Variants in RNF214 observed in about 807,000 individuals in gnomAD.
RNF214 encodes ring finger protein 214.
Under a neutral mutation model 75.9 loss-of-function variants are expected in RNF214, and 25 were observed. That is an observed-to-expected ratio of 0.33 (90% CI 0.24 to 0.46). The LOEUF (loss-of-function observed/expected upper bound fraction) is 0.46, where lower values mean the gene tolerates loss of function less well. Ranked by LOEUF, RNF214 falls within the 20% of genes least tolerant of loss-of-function variation. RNF214 has a pLI of 1.00. For synonymous variants in RNF214, 314 were observed against 308.8 expected, an observed-to-expected ratio of 1.02 and a Z score of -0.18; for missense variants, 725 against 857.5, an observed-to-expected ratio of 0.85 and a Z score of 1.93.
At chr11:117,283,694 T>C (rs1200292771) in intron 14 of RNF214, among the ~76,000 whole-genome samples, 1 of 151,968 alleles carries the variant, frequency 6.6e-6, no homozygotes, top group African/African-American at 2.4e-5. Flanking sequence ...AGGGTTTCTT[T>C]CTGTTGCCCA....
chr11:117,257,317 C>T (rs2033549320), intron 6 of RNF214, among the ~76,000 whole-genome samples: 1 of 152,006 alleles, frequency 6.6e-6, no homozygotes, highest in Non-Finnish European at 1.5e-5. Flanking sequence ...GCCTGGGCAA[C>T]AGAGTGAGAT....
intron 4 of RNF214, among the ~76,000 whole-genome samples, chr11:117,240,190 A>G (rs1000344447): frequency 2.0e-5 from 3 of 151,202 alleles, no homozygotes; most frequent in African/African-American, 7.3e-5. Flanking sequence ...CCATGTCTAC[A>G]AAAAATACAA....
chr11:117,268,772 T>G lies in RNF214; in HGVS notation c.960-11136T>G, dbSNP rs191525985. On this transcript the variant is annotated intron_variant, in intron 6 of 14. Transcript: ENST00000300650. ...TTTGTATAGAATCTGTAGATCAGTT[T>G]GGGAACAATTGACATCTTAACAATA... is the stretch of plus-strand genomic sequence containing the variant. Among the ~76,000 whole-genome samples the G allele has an allele frequency of 7.9e-5, 12 of 152,340 alleles. No homozygotes were observed. In the East Asian group the frequency reaches 2.3e-3, roughly 29 times the overall value.
At chr11:117,271,884 C>G (rs2033918491) in intron 6 of RNF214, among the ~76,000 whole-genome samples, 1 of 152,126 alleles carries the variant, frequency 6.6e-6, no homozygotes, top group South Asian at 2.1e-4. Flanking sequence ...GTGATGATAG[C>G]TCACTGTAGC....
chr11:117,279,582 C>G (rs1293626480), intron 6 of RNF214, among the ~76,000 whole-genome samples: 4 of 152,050 alleles, frequency 2.6e-5, no homozygotes, highest in Non-Finnish European at 5.9e-5. Flanking sequence ...AGTGATCTGC[C>G]CATCTTGGAC....
chr11:117,244,213 G>C (rs1317804229), intron 4 of RNF214, among the ~76,000 whole-genome samples: 2 of 151,838 alleles, frequency 1.3e-5, no homozygotes, highest in Admixed American at 1.3e-4. Context: ...ATCCCTGAAT[G>C]CAAGTGATCC....
chr11:117,263,276 GA>G (rs34638904), intron 6 of RNF214, among the ~76,000 whole-genome samples: 47,299 of 149,416 alleles, frequency 0.32, 8,043 homozygotes, highest in East Asian at 0.66. Flanking sequence ...ATTAACAGGA[GA>G]AAAAAAAACT....
At chr11:117,238,013 TCTAA>T (rs2032959496) in intron 2 of RNF214, among the ~76,000 whole-genome samples, 1 of 152,246 alleles carries the variant, frequency 6.6e-6, no homozygotes, top group African/African-American at 2.4e-5. Context: ...AATTAAATAT[TCTAA>T]CTAGTATTAG....
intron 6 of RNF214, among the ~76,000 whole-genome samples, chr11:117,249,686 G>T (rs1555053558): frequency 6.6e-6 from 1 of 152,208 alleles, no homozygotes; most frequent in Non-Finnish European, 1.5e-5. Flanking sequence ...ATGCTGGCAG[G>T]TTTGGTTTCT....
chr11:117,262,942 G>A (rs140186588), intron 6 of RNF214, among the ~76,000 whole-genome samples: 20 of 152,140 alleles, frequency 1.3e-4, no homozygotes, highest in Middle Eastern at 3.4e-3. Flanking sequence ...GAGAAGCTGT[G>A]ACTACAGCTG....
chr11:117,236,087 A>G (rs2032902065), intron 2 of RNF214, among the ~76,000 whole-genome samples: 1 of 151,104 alleles, frequency 6.6e-6, no homozygotes, highest in Admixed American at 6.6e-5. Flanking sequence ...CAGCCTCCCT[A>G]GTAGCTGGGA....
rs2134429721 is a variant in RNF214 at position 117,285,583 on chromosome 11, C to T, written c.*432C>T. The T allele has an allele frequency of 6.5e-6, 1 of 153,858 alleles. No homozygotes were observed. Among genetic ancestry groups the T allele is most frequent in the South Asian group, 2.1e-4 (1 of 4,878 alleles). 9.5% of individuals were successfully genotyped at this position (153,858 alleles called of 1,614,324 possible). A position where few individuals can be genotyped will look rare whatever the true frequency, so the allele number is the denominator to read the frequency against. On this transcript the variant is annotated 3_prime_UTR_variant, in exon 15 of 15. Coordinates refer to ENST00000300650, the MANE Select transcript of RNF214 (RefSeq NM_207343.4). The stretch of plus-strand genomic sequence containing the variant: ...TAAAGCCTGGTGCTCACCCACTGTC[C>T]AACCAGATGCCTTGCTTACCGAAAG...
chr11:117,240,932 G>A (rs1350402476), intron 4 of RNF214, among the ~76,000 whole-genome samples: 3 of 151,530 alleles, frequency 2.0e-5, no homozygotes, highest in African/African-American at 7.3e-5. Flanking sequence ...TAATCCTAGC[G>A]CTTTGGGAGG....
At chr11:117,282,305 A>G in intron 11 of RNF214, 35 bp downstream of exon 11, 1 of 1,580,126 alleles carries the variant, frequency 6.3e-7, no homozygotes, top group South Asian at 1.2e-5. Flanking sequence ...AGATGTCTCT[A>G]TCAGAGAAAT....
chr11:117,270,924 T>C (rs142850015), intron 6 of RNF214, among the ~76,000 whole-genome samples: 8 of 151,780 alleles, frequency 5.3e-5, no homozygotes, highest in Non-Finnish European at 8.8e-5. Context: ...TGAGACAGAA[T>C]GTGGCTCTGT....
At chr11:117,265,695 G>A (rs1171401518) in intron 6 of RNF214, among the ~76,000 whole-genome samples, 2 of 152,122 alleles carry the variant, frequency 1.3e-5, no homozygotes, top group African/African-American at 2.4e-5. Context: ...GATTACAGAC[G>A]TGAGCCACCG....
At chr11:117,258,054 C>T (rs535012272) in intron 6 of RNF214, among the ~76,000 whole-genome samples, 1 of 151,810 alleles carries the variant, frequency 6.6e-6, no homozygotes, top group Non-Finnish European at 1.5e-5. Flanking sequence ...TGTCATGCCT[C>T]TATCTATTCA....
At chr11:117,263,286 C>CTTT (rs1219811254) in intron 6 of RNF214, among the ~76,000 whole-genome samples, 1 of 135,734 alleles carries the variant, frequency 7.4e-6, no homozygotes, top group Non-Finnish European at 1.6e-5. Context: ...GAAAAAAAAA[C>CTTT]TTTTTTTTTT....
chr11:117,261,813 T>A (rs2033669511), intron 6 of RNF214, among the ~76,000 whole-genome samples: 1 of 151,186 alleles, frequency 6.6e-6, no homozygotes, highest in Non-Finnish European at 1.5e-5. Context: ...GCCCAGCTAA[T>A]TTTTGTATTT....
Sources: gnomAD v4.1 joint callset for allele counts (sites outside exome capture counted in the v4.1 genomes callset) on GRCh38, gnomAD v4.1.1 for gene constraint, MANE v1.5 for transcripts, NCBI Gene and HGNC (gene_info 2026-07-23, HGNC 2026-07-21) for gene names.